NLN: variants seen among roughly 807,000 people sequenced by gnomAD.
NLN encodes neurolysin, also known as neurolysin, mitochondrial.
In NLN, 64 loss-of-function variants were observed where a neutral mutation model predicts 79.9. The observed-to-expected ratio is 0.80, with a 90% confidence interval of 0.65 to 0.99. The LOEUF is 0.99. Ranked by LOEUF, NLN falls within the 50% of genes least tolerant of loss-of-function variation. The pLI is 0.00. For missense variants in NLN, 835 were observed against 858.7 expected, an observed-to-expected ratio of 0.97 and a Z score of 0.34; for synonymous variants, 267 against 296.6, an observed-to-expected ratio of 0.90 and a Z score of 1.02.
chr5:65,760,724 G>A (rs1323422390), intron 2 of NLN, among the ~76,000 whole-genome samples: 1 of 152,112 alleles, frequency 6.6e-6, no homozygotes, highest in Non-Finnish European at 1.5e-5. Flanking sequence ...TGTTGCCCAG[G>A]CTGGTCTCAT....
intron 1 of NLN, among the ~76,000 whole-genome samples, chr5:65,726,665 C>T (rs1228161661): frequency 6.6e-6 from 1 of 152,086 alleles, no homozygotes; most frequent in Admixed American, 6.6e-5. Flanking sequence ...AATAAATATA[C>T]TAATAGCCAA....
chr5:65,735,565 G>C (rs1454568612), intron 1 of NLN, among the ~76,000 whole-genome samples: 2 of 152,004 alleles, frequency 1.3e-5, no homozygotes, highest in Non-Finnish European at 2.9e-5. Context: ...TTTGTTCCCA[G>C]TATCACCATC....
chr5:65,740,892 G>A, intron 1 of NLN: 1 of 99,620 alleles, frequency 1.0e-5, no homozygotes, highest in Non-Finnish European at 1.9e-5. Flanking sequence ...TTTTTTTCTT[G>A]AGATGGAGTC....
rs1295592296 is a variant in NLN, at chr5:65,827,257, T to G, written c.*4342T>G. The G allele has an allele frequency of 6.6e-6, 1 of 152,172 alleles. No individual in the cohort carries two copies. The highest frequency in any genetic ancestry group is 1.5e-5 in the Non-Finnish European group (1 of 68,030). 9.4% of individuals were successfully genotyped at this position (152,172 alleles called of 1,614,324 possible). The stretch of plus-strand genomic sequence containing the variant: ...GGTTGAATTCACCTTGTAGTTCCCT[T>G]TCCTGAGAAAATACAGGTTCAACAC... On this transcript the variant is annotated 3_prime_UTR_variant, in exon 13 of 13. Coordinates refer to ENST00000380985, the MANE Select transcript of NLN (RefSeq NM_020726.5).
At chr5:65,749,435 C>G (rs1759056054) in intron 1 of NLN, among the ~76,000 whole-genome samples, 1 of 152,180 alleles carries the variant, frequency 6.6e-6, no homozygotes, top group African/African-American at 2.4e-5. Context: ...GAGAGAATGT[C>G]AGTGCACTTC....
intron 1 of NLN, among the ~76,000 whole-genome samples, chr5:65,725,503 C>G (rs1561173499): frequency 6.6e-6 from 1 of 152,196 alleles, no homozygotes; most frequent in African/African-American, 2.4e-5. Context: ...TAGTGGTTCA[C>G]TGTGTTATAC....
chr5:65,790,520 C>A (rs937890049), intron 8 of NLN, among the ~76,000 whole-genome samples: 1 of 152,198 alleles, frequency 6.6e-6, no homozygotes, highest in Non-Finnish European at 1.5e-5. Flanking sequence ...GCCAAGCCAA[C>A]AGGGGAAAGC....
chr5:65,796,344 T>C (rs1054248657), intron 9 of NLN, among the ~76,000 whole-genome samples: 1 of 152,252 alleles, frequency 6.6e-6, no homozygotes, highest in African/African-American at 2.4e-5. Context: ...AATTGTGATC[T>C]TTTGAGATAG....
chr5:65,763,233 A>G (rs567550014), intron 3 of NLN, 125 bp downstream of exon 3: 11 of 756,752 alleles, frequency 1.5e-5, no homozygotes, highest in South Asian at 3.6e-5. Context: ...ATAAAACCAT[A>G]ATGGGCATTA....
chr5:65,762,873 G>A, intron 2 of NLN, 87 bp from the exon 3 acceptor site: 3 of 1,266,840 alleles, frequency 2.4e-6, no homozygotes, highest in Admixed American at 2.3e-5. Context: ...TTATTGGCAT[G>A]ATCATTCATC....
At chr5:65,744,976 G>C (rs536015907) in intron 1 of NLN, among the ~76,000 whole-genome samples, 1 of 152,170 alleles carries the variant, frequency 6.6e-6, no homozygotes, top group African/African-American at 2.4e-5. Context: ...CATTTCCTGG[G>C]AGTACACTGT....
Position 65,767,941 on chromosome 5 carries a change from TC to T in NLN, c.450+4835del, listed in dbSNP as rs537394841. ...AGCATGGGTGACCTTTACTCCAGTT[TC>T]CAATAAGTTCCTCATCTTCATCTGA... On this transcript the variant is annotated intron_variant, in intron 3 of 12. Coordinates refer to ENST00000380985, the MANE Select transcript of NLN (RefSeq NM_020726.5). Among the ~76,000 whole-genome samples the T allele has an allele frequency of 3.3e-5, 5 of 152,198 alleles. No individual in the cohort carries two copies. In the South Asian group the frequency reaches 1.0e-3, roughly 32 times the overall value.
At position 65,823,106 on chromosome 5, in the gene NLN, C is replaced by A. The variant is rs1168624830; in HGVS notation, c.*191C>A. Reference sequence around the variant, plus strand: ...ATACTGTGACCTAAGAAAAGACCCACTAGAAAGTAATTGTACTATAAAATT... The same window carrying A: ...ATACTGTGACCTAAGAAAAGACCCAATAGAAAGTAATTGTACTATAAAATT... On this transcript the variant is annotated 3_prime_UTR_variant, in exon 13 of 13. Coordinates refer to ENST00000380985, the MANE Select transcript of NLN (RefSeq NM_020726.5). 2 of 479,538 alleles carry A rather than the reference C, an allele frequency of 4.2e-6. No individual in the cohort carries two copies. The highest frequency in any genetic ancestry group is 7.4e-6 in the Non-Finnish European group (2 of 271,670). The allele number at this position is 479,538 out of a possible 1,614,324, so 29.7% of individuals were successfully genotyped here.
chr5:65,794,949 G>A (rs1243492433), intron 9 of NLN, among the ~76,000 whole-genome samples: 1 of 152,214 alleles, frequency 6.6e-6, no homozygotes, highest in Non-Finnish European at 1.5e-5. Flanking sequence ...AATAGTATAT[G>A]AGTATGTCCA....
intron 9 of NLN, among the ~76,000 whole-genome samples, chr5:65,800,927 A>G (rs1430402566): frequency 4.6e-5 from 7 of 152,032 alleles, no homozygotes; most frequent in African/African-American, 1.7e-4. Flanking sequence ...TCCTGAGCTC[A>G]ATCAATTCTC....
At chr5:65,785,550 T>G (rs1387856222) in intron 6 of NLN, among the ~76,000 whole-genome samples, 1 of 151,498 alleles carries the variant, frequency 6.6e-6, no homozygotes, top group South Asian at 2.1e-4. Flanking sequence ...GACCTCATAG[T>G]TCTGAAGTTT....
At chr5:65,781,903 T>C (rs1428780237) in intron 6 of NLN, among the ~76,000 whole-genome samples, 1 of 152,194 alleles carries the variant, frequency 6.6e-6, no homozygotes, top group Non-Finnish European at 1.5e-5. Context: ...GATACAGTTC[T>C]TCCTGGTTGT....
chr5:65,809,455 T>C (rs1308195147), intron 9 of NLN, 60 bp from the exon 10 acceptor site: 7 of 1,387,202 alleles, frequency 5.0e-6, no homozygotes, highest in South Asian at 2.7e-5. Context: ...TTAATAATTA[T>C]TCATTGCATA....
chr5:65,792,553 C>A lies in NLN; in HGVS notation c.1425C>A (p.Asn475Lys). The A allele has an allele frequency of 3.1e-6, 5 of 1,613,868 alleles. No homozygotes were observed. Among genetic ancestry groups the A allele is most frequent in the Non-Finnish European group, 4.2e-6 (5 of 1,179,748 alleles). The change falls in exon 9 of 13, where the codon AAC becomes AAA. Residue 475 changes from asparagine (N) to lysine (K), a missense_variant. Asn to Lys is a moderately conservative substitution (Grantham distance 94, BLOSUM62 0). Coordinates refer to ENST00000380985, the MANE Select transcript of NLN (RefSeq NM_020726.5). ...RMMAVAALVV[N>K]FSQPVAGRPS... is the part of the protein sequence containing the mutation. Reference sequence around the variant, plus strand: ...TGGCAGTGGCTGCCCTCGTGGTGAACTTCTCACAGCCAGTGGCAGGTCGTC... The same window carrying A: ...TGGCAGTGGCTGCCCTCGTGGTGAAATTCTCACAGCCAGTGGCAGGTCGTC...
Sources: gnomAD v4.1 joint callset for allele counts (sites outside exome capture counted in the v4.1 genomes callset) on GRCh38, gnomAD v4.1.1 for gene constraint, MANE v1.5 for transcripts, NCBI Gene and HGNC (gene_info 2026-07-23, HGNC 2026-07-21) for gene names.